Variants in ABHD18 observed in about 807,000 individuals in gnomAD.
The protein encoded by ABHD18 is abhydrolase domain containing 18.
ABHD18 carries 55 observed loss-of-function variants against 65.9 expected under a neutral mutation model. The observed-to-expected ratio is 0.84, with a 90% confidence interval of 0.67 to 1.05. The LOEUF is 1.05. Among genes scored for constraint, ABHD18 ranks in the 50% least tolerant of loss-of-function variants. The pLI is 0.00. For synonymous variants in ABHD18, 181 were observed against 180.2 expected, an observed-to-expected ratio of 1.00 and a Z score of -0.04; for missense variants, 533 against 558.5, an observed-to-expected ratio of 0.95 and a Z score of 0.46.
chr4:127,980,651 C>T (rs145073115), intron 1 of ABHD18, among the ~76,000 whole-genome samples: 1 of 151,680 alleles, frequency 6.6e-6, no homozygotes, highest in African/African-American at 2.4e-5. Context: ...TGGTGAAACC[C>T]CGTCTCTACT....
At chr4:127,980,293 G>T (rs895955559) in intron 1 of ABHD18, among the ~76,000 whole-genome samples, 3 of 152,270 alleles carry the variant, frequency 2.0e-5, no homozygotes, top group African/African-American at 7.2e-5. Flanking sequence ...ATGTTATGCA[G>T]CAAGAAGGTC....
chr4:127,979,192 A>G (rs72616978), intron 1 of ABHD18, among the ~76,000 whole-genome samples: 12,157 of 152,248 alleles, frequency 0.08, 967 homozygotes, highest in East Asian at 0.26. Context: ...AGAGCTTTGC[A>G]GCTGTTTATA....
chr4:127,994,747 C>A (rs1751470105), intron 4 of ABHD18, among the ~76,000 whole-genome samples: 1 of 151,984 alleles, frequency 6.6e-6, no homozygotes, highest in Non-Finnish European at 1.5e-5. Flanking sequence ...ATTAATATTC[C>A]TTTGAGGATA....
chr4:127,967,226 A>G (rs1233950594), intron 1 of ABHD18, among the ~76,000 whole-genome samples: 1 of 151,856 alleles, frequency 6.6e-6, no homozygotes, highest in African/African-American at 2.4e-5. Context: ...GAATTACTTC[A>G]TCTCATCCTT....
intron 2 of ABHD18, among the ~76,000 whole-genome samples, chr4:127,983,495 G>A (rs1416822073): frequency 6.6e-6 from 1 of 152,170 alleles, no homozygotes; most frequent in Non-Finnish European, 1.5e-5. Flanking sequence ...AGCACTTTGG[G>A]AGGCTGAGGT....
chr4:128,032,149 T>C lies in ABHD18; in HGVS notation c.1343+1477T>C, dbSNP rs536147274. ...CAAAAGTGCTATTATGAAGGCTTCA[T>C]TTGAGAGAGATAAATGTTAACTATT... On this transcript the variant is annotated intron_variant, in intron 12 of 12. Transcript: ENST00000645843. Among the ~76,000 whole-genome samples, 89 of 152,296 alleles carry C rather than the reference T, an allele frequency of 5.8e-4. 1 individual carries two copies. The highest frequency in any genetic ancestry group is 1.2e-3 in the Non-Finnish European group (83 of 68,024).
intron 4 of ABHD18, among the ~76,000 whole-genome samples, chr4:128,006,769 G>A (rs1753665538): frequency 6.6e-6 from 1 of 152,164 alleles, no homozygotes; most frequent in South Asian, 2.1e-4. Context: ...TGTACTTAAT[G>A]CCACTGAATC....
At chr4:128,028,402 C>CT (rs553126027) in intron 10 of ABHD18, 73 bp from the exon 11 acceptor site, 7,175 of 990,434 alleles carry the variant, frequency 7.2e-3, no homozygotes, top group Middle Eastern at 9.6e-3. Flanking sequence ...TGTCTTTTCT[C>CT]TTTTTTTTTT....
At chr4:127,969,365 C>A (rs1746292412) in intron 1 of ABHD18, among the ~76,000 whole-genome samples, 1 of 151,810 alleles carries the variant, frequency 6.6e-6, no homozygotes, top group Admixed American at 6.6e-5. Context: ...TCACACCTGG[C>A]TAATTTTGTA....
At chr4:127,966,831 G>A (rs960272410) in intron 1 of ABHD18, among the ~76,000 whole-genome samples, 1 of 146,112 alleles carries the variant, frequency 6.8e-6, no homozygotes, top group African/African-American at 2.5e-5. Flanking sequence ...GCTGCAGTGA[G>A]CCGAGATCAC....
At chr4:128,010,281 G>A (rs1042234753) in intron 6 of ABHD18, among the ~76,000 whole-genome samples, 1 of 152,076 alleles carries the variant, frequency 6.6e-6, no homozygotes, top group African/African-American at 2.4e-5. Flanking sequence ...TGTAATCCCA[G>A]GACTTTGGGA....
At chr4:128,002,072 C>T (rs1246914543) in intron 4 of ABHD18, among the ~76,000 whole-genome samples, 5 of 151,862 alleles carry the variant, frequency 3.3e-5, no homozygotes, top group Admixed American at 1.3e-4. Flanking sequence ...GTCAGGAGTT[C>T]GAGACCAGCC....
chr4:127,973,965 C>A (rs1457903996), intron 1 of ABHD18, among the ~76,000 whole-genome samples: 1 of 151,616 alleles, frequency 6.6e-6, no homozygotes, highest in Non-Finnish European at 1.5e-5. Flanking sequence ...GCCCAGCTGA[C>A]ACCTTGATTG....
chr4:127,982,902 A>T (rs1487742667), intron 1 of ABHD18, 37 bp from the exon 2 acceptor site: 1 of 1,156,972 alleles, frequency 8.6e-7, no homozygotes, highest in Non-Finnish European at 1.2e-6. Flanking sequence ...TGAAACAAAT[A>T]AAATATTTTA....
intron 4 of ABHD18, among the ~76,000 whole-genome samples, chr4:128,005,253 C>T (rs1753412998): frequency 6.6e-6 from 1 of 152,072 alleles, no homozygotes; most frequent in Non-Finnish European, 1.5e-5. Flanking sequence ...ATATCCAAAA[C>T]ATGTTGAAAC....
chr4:127,974,017 G>T (rs1310690998), intron 1 of ABHD18, among the ~76,000 whole-genome samples: 2 of 151,696 alleles, frequency 1.3e-5, no homozygotes, highest in Admixed American at 6.6e-5. Flanking sequence ...AACTAGGCTG[G>T]GTTCTTGGAA....
chr4:128,035,477 G>C (rs530003832), intron 12 of ABHD18, among the ~76,000 whole-genome samples: 9 of 152,194 alleles, frequency 5.9e-5, no homozygotes, highest in African/African-American at 1.2e-4. Flanking sequence ...GGAGGCTGAG[G>C]CATGAGAATC....
Position 128,038,104 on chromosome 4 carries a change from C to T in ABHD18, c.*2291C>T, listed in dbSNP as rs1177822227. On this transcript the variant is annotated 3_prime_UTR_variant, in exon 13 of 13. Coordinates refer to ENST00000645843, the MANE Select transcript of ABHD18 (RefSeq NM_001358451.3). Reference sequence around the variant, plus strand: ...TCATTTGTCACCTCTATGCCTCTATCATCTTAATTTTTTACAAATATTTAA... The same window carrying T: ...TCATTTGTCACCTCTATGCCTCTATTATCTTAATTTTTTACAAATATTTAA... The T allele has an allele frequency of 6.6e-6, 1 of 152,160 alleles. No homozygotes were observed. The highest frequency in any genetic ancestry group is 1.5e-5 in the Non-Finnish European group (1 of 68,036). The allele number at this position is 152,160 out of a possible 1,614,324, so 9.4% of individuals were successfully genotyped here. A position where few individuals can be genotyped will look rare whatever the true frequency, so the allele number is the denominator to read the frequency against.
At chr4:127,981,948 G>A (rs1749132872) in intron 1 of ABHD18, among the ~76,000 whole-genome samples, 1 of 152,134 alleles carries the variant, frequency 6.6e-6, no homozygotes, top group South Asian at 2.1e-4. Context: ...ACTTGGTTTT[G>A]CTAGTCCAAC....
Sources: allele counts gnomAD v4.1 joint callset (sites outside exome capture counted in the v4.1 genomes callset), GRCh38; gene constraint gnomAD v4.1.1; transcripts MANE v1.5; gene names NCBI Gene and HGNC (gene_info 2026-07-23, HGNC 2026-07-21).